CD8B2: variants seen among roughly 807,000 people sequenced by gnomAD.
CD8B2 encodes CD8B family member 2, also known as T-cell surface glycoprotein CD8 beta-2 chain.
In CD8B2, 11 loss-of-function variants were observed where a neutral mutation model predicts 23.7. That is an observed-to-expected ratio of 0.46 (90% confidence interval 0.29 to 0.77). The LOEUF is 0.77. Ranked by LOEUF, CD8B2 falls within the 30% of genes least tolerant of loss-of-function variation. CD8B2 has a pLI of 0.09. For missense variants in CD8B2, 197 were observed against 270.5 expected, an observed-to-expected ratio of 0.73 and a Z score of 1.91; for synonymous variants, 90 against 109.3, an observed-to-expected ratio of 0.82 and a Z score of 1.10.
At position 106,508,754 on chromosome 2, in the gene CD8B2, C is replaced by T. The variant is rs1195001597; in HGVS notation, c.*1814C>T. 6.6e-6 allele frequency: 1 copy of T among 152,174 alleles called. No individual in the cohort carries two copies. Among genetic ancestry groups the T allele is most frequent in the Non-Finnish European group, 1.5e-5 (1 of 68,048 alleles). 9.4% of individuals were successfully genotyped at this position (152,174 alleles called of 1,614,324 possible). A position where few individuals can be genotyped will look rare whatever the true frequency, so the allele number is the denominator to read the frequency against. ...TGAAAGGCTGAGGTGAATTGACGCC[C>T]TATGCGGATGAAGGGATGGCCCGTG... On this transcript the variant is annotated 3_prime_UTR_variant, in exon 6 of 6. Transcript: ENST00000643224.
At position 106,508,672 on chromosome 2, in the gene CD8B2, T is replaced by C. The variant is rs922419671; in HGVS notation, c.*1732T>C. The C allele has an allele frequency of 6.6e-6, 1 of 152,212 alleles. No homozygotes were observed. The highest frequency in any genetic ancestry group is 1.5e-5 in the Non-Finnish European group (1 of 68,044). The allele number at this position is 152,212 out of a possible 1,614,324, so 9.4% of individuals were successfully genotyped here. A position where few individuals can be genotyped will look rare whatever the true frequency, so the allele number is the denominator to read the frequency against. ...AGTTTTCTGGGTTTTAAGTACCCCTTTTGAGGTACCTGTCGGCTACCCCTT... is the reference window on the plus strand; with the variant it reads ...AGTTTTCTGGGTTTTAAGTACCCCTCTTGAGGTACCTGTCGGCTACCCCTT... On this transcript the variant is annotated 3_prime_UTR_variant, in exon 6 of 6. Coordinates refer to ENST00000643224, the MANE Select transcript of CD8B2 (RefSeq NM_001349727.2).
chr2:106,497,818 A>T (rs1679327813), intron 3 of CD8B2, among the ~76,000 whole-genome samples: 1 of 152,202 alleles, frequency 6.6e-6, no homozygotes, highest in South Asian at 2.1e-4. Flanking sequence ...TTTCAGGCAG[A>T]CTACAATAAA....
At chr2:106,540,720 A>T (rs1680159346) in intron 5 of CD8B2, among the ~76,000 whole-genome samples, 1 of 151,918 alleles carries the variant, frequency 6.6e-6, no homozygotes, top group South Asian at 2.1e-4. Flanking sequence ...GCCTACCACC[A>T]CGCCAGGCTA....
chr2:106,529,014 G>C (rs778907643), intron 5 of CD8B2, among the ~76,000 whole-genome samples: 2 of 152,178 alleles, frequency 1.3e-5, no homozygotes, highest in Non-Finnish European at 2.9e-5. Flanking sequence ...TTTAGGACCT[G>C]GCAAGTGTGG....
Position 106,509,961 on chromosome 2 carries a change from C to A in CD8B2, c.*3021C>A, listed in dbSNP as rs1309419357. 6.6e-6 allele frequency: 1 copy of A among 152,162 alleles called. No individual in the cohort carries two copies. The highest frequency in any genetic ancestry group is 1.5e-5 in the Non-Finnish European group (1 of 68,030). 9.4% of individuals were successfully genotyped at this position (152,162 alleles called of 1,614,324 possible). A position where few individuals can be genotyped will look rare whatever the true frequency, so the allele number is the denominator to read the frequency against. On this transcript the variant is annotated 3_prime_UTR_variant, in exon 6 of 6. Coordinates refer to ENST00000643224, the MANE Select transcript of CD8B2 (RefSeq NM_001349727.2). ...CAAATGTCCATCAAAAGGGACTGGTCAGATAAATTCAGACACAGTCTAATA... is the reference window on the plus strand; with the variant it reads ...CAAATGTCCATCAAAAGGGACTGGTAAGATAAATTCAGACACAGTCTAATA...
At chr2:106,541,153 C>T (rs554543067) in intron 5 of CD8B2, among the ~76,000 whole-genome samples, 1 of 152,232 alleles carries the variant, frequency 6.6e-6, no homozygotes, top group Admixed American at 6.5e-5. Flanking sequence ...GGCACGCTGG[C>T]TGTGTGACAA....
At chr2:106,537,169 T>C (rs938073618) in intron 5 of CD8B2, among the ~76,000 whole-genome samples, 1 of 152,194 alleles carries the variant, frequency 6.6e-6, no homozygotes, top group African/African-American at 2.4e-5. Flanking sequence ...CCTCATGCTC[T>C]GGGCTTCCCC....
intron 3 of CD8B2, among the ~76,000 whole-genome samples, chr2:106,499,587 C>T (rs1679363006): frequency 6.6e-6 from 1 of 150,524 alleles, no homozygotes; most frequent in African/African-American, 2.4e-5. Flanking sequence ...CCGCAAAGTT[C>T]ACCCATTTTA....
intron 5 of CD8B2, chr2:106,543,286 C>G (rs1680205653): frequency 6.6e-6 from 1 of 152,172 alleles, no homozygotes; most frequent in Admixed American, 6.5e-5. Context: ...CTTTGGGAGG[C>G]TGAGGCCTCC....
intron 5 of CD8B2, among the ~76,000 whole-genome samples, chr2:106,538,454 G>T (rs1680124094): frequency 6.6e-6 from 1 of 152,104 alleles, no homozygotes; most frequent in African/African-American, 2.4e-5. Context: ...AAGATCTTAG[G>T]ACTTGAGCAT....
chr2:106,496,241 C>T lies in CD8B2; in HGVS notation c.472C>T (p.Pro158Ser). The change falls in exon 3 of 6, where the codon CCC becomes TCC. Residue 158 changes from proline (P) to serine (S), a missense_variant. By Grantham distance (74) the Pro-to-Ser change is moderately conservative (BLOSUM62 -1). Transcript: ENST00000643224. ...STLKKRVCRL[P>S]RPETQKGPLC... ...CCTCAAGAAGAGAGTGTGCCGGTTA[C>T]CCAGGCCAGAGACCCAGAAGGGTGA... The T allele has an allele frequency of 6.5e-7, 1 of 1,539,370 alleles. No homozygotes were observed. Among genetic ancestry groups the T allele is most frequent in the South Asian group, 1.2e-5 (1 of 83,442 alleles).
rs1437145422 is a variant in CD8B2 at position 106,508,354 on chromosome 2, G to C, written c.*1414G>C. On this transcript the variant is annotated 3_prime_UTR_variant, in exon 6 of 6. Transcript: ENST00000643224. ...GAAATGTTACAAAAAAAACAGGAAA[G>C]GAAAGACGACTCTGGGGAAGGGGCA... The C allele has an allele frequency of 5.3e-5, 8 of 152,048 alleles. No individual in the cohort carries two copies. Among genetic ancestry groups the C allele is most frequent in the Admixed American group, 5.2e-4 (8 of 15,264 alleles). 9.4% of individuals were successfully genotyped at this position (152,048 alleles called of 1,614,324 possible). A position where few individuals can be genotyped will look rare whatever the true frequency, so the allele number is the denominator to read the frequency against.
At chr2:106,505,912 G>A (rs1223527679) in intron 5 of CD8B2, among the ~76,000 whole-genome samples, 3 of 152,104 alleles carry the variant, frequency 2.0e-5, no homozygotes, top group East Asian at 1.9e-4. Flanking sequence ...CAGGTAGATC[G>A]CCTGAGGTCA....
At chr2:106,494,400 G>A (rs1679258501) in intron 2 of CD8B2, among the ~76,000 whole-genome samples, 3 of 152,006 alleles carry the variant, frequency 2.0e-5, no homozygotes, top group African/African-American at 7.3e-5. Flanking sequence ...CACCTGCCTC[G>A]GCCTCCCAAA....
intron 5 of CD8B2, among the ~76,000 whole-genome samples, chr2:106,534,761 A>G (rs1018415747): frequency 6.6e-6 from 1 of 152,196 alleles, no homozygotes; most frequent in Non-Finnish European, 1.5e-5. Context: ...GGTAGGAGCT[A>G]CAGTTCAAAA....
intron 5 of CD8B2, among the ~76,000 whole-genome samples, chr2:106,516,177 T>G (rs1277683355): frequency 6.6e-6 from 1 of 152,098 alleles, no homozygotes; most frequent in Non-Finnish European, 1.5e-5. Flanking sequence ...GGGAGCCCTT[T>G]CTGCCCCACC....
chr2:106,524,417 C>A (rs1679878001), intron 5 of CD8B2, among the ~76,000 whole-genome samples: 1 of 152,190 alleles, frequency 6.6e-6, no homozygotes. Context: ...GCCTCTCCTT[C>A]TGTTGAAGGG....
At chr2:106,518,968 C>T (rs1485781933) in intron 5 of CD8B2, among the ~76,000 whole-genome samples, 1 of 151,894 alleles carries the variant, frequency 6.6e-6, no homozygotes, top group Non-Finnish European at 1.5e-5. Flanking sequence ...TTCCTCCATC[C>T]ATCTATCCCT....
chr2:106,512,329 G>A (rs1307027545), downstream of CD8B2, among the ~76,000 whole-genome samples: 1 of 152,044 alleles, frequency 6.6e-6, no homozygotes, highest in Non-Finnish European at 1.5e-5. Flanking sequence ...CATCCGCCTC[G>A]GCCTCCCAAA....
Sources: allele counts gnomAD v4.1 joint callset (sites outside exome capture counted in the v4.1 genomes callset), GRCh38; gene constraint gnomAD v4.1.1; transcripts MANE v1.5; gene names NCBI Gene and HGNC (gene_info 2026-07-23, HGNC 2026-07-21).